KCNT2: variants seen among roughly 807,000 people sequenced by gnomAD.
KCNT2 encodes the protein potassium sodium-activated channel subfamily T member 2.
A neutral mutation model predicts 153.8 loss-of-function variants in KCNT2; 67 were observed. That is an observed-to-expected ratio of 0.44 (90% confidence interval 0.36 to 0.53). KCNT2 has a LOEUF of 0.53. KCNT2 is among the 20% of genes least tolerant of loss of function. The pLI, the probability that KCNT2 is intolerant of heterozygous loss-of-function variation, is 0.00. For synonymous variants in KCNT2, 500 were observed against 458.8 expected (o/e 1.09, Z -1.15); for missense variants, 975 against 1,354.8 (o/e 0.72, Z 4.40).
At chr1:196,377,445 T>C (rs796350989) in intron 13 of KCNT2, among the ~76,000 whole-genome samples, 2 of 152,032 alleles carry the variant, frequency 1.3e-5, no homozygotes, top group East Asian at 3.9e-4. Context: ...TAGAAATGCA[T>C]ACTGTAGAAA....
chr1:196,276,869 C>T (rs986161577), intron 25 of KCNT2, among the ~76,000 whole-genome samples: 4 of 152,006 alleles, frequency 2.6e-5, no homozygotes, highest in Admixed American at 6.6e-5. Flanking sequence ...ACCTATCGCA[C>T]GTCTCCTGCT....
In KCNT2 at chr1:196,339,533, A is replaced by AGG; in HGVS notation, c.1783+807_1783+808insCC. The stretch of plus-strand genomic sequence containing the variant: ...CACACACACACACAGAGAGAGAGAG[A>AGG]GAGAGAGAGAGAGAGAGAGACAGAG... On this transcript the variant is annotated intron_variant, in intron 16 of 27. Coordinates refer to ENST00000294725, the MANE Select transcript of KCNT2 (RefSeq NM_198503.5). Among the ~76,000 whole-genome samples, 5 of 151,742 alleles carry AGG rather than the reference A, an allele frequency of 3.3e-5. 1 individual carries two copies. The highest frequency in any genetic ancestry group is 1.2e-4 in the African/African-American group (5 of 41,328).
intron 1 of KCNT2, among the ~76,000 whole-genome samples, chr1:196,507,075 G>T (rs903208401): frequency 3.9e-5 from 6 of 152,112 alleles, no homozygotes; most frequent in Admixed American, 1.3e-4. Flanking sequence ...TAGAAAATGT[G>T]AAATCTAAAT....
At chr1:196,604,211 T>C (rs1404205473) in intron 1 of KCNT2, among the ~76,000 whole-genome samples, 1 of 152,214 alleles carries the variant, frequency 6.6e-6, no homozygotes, top group African/African-American at 2.4e-5. Flanking sequence ...ATGGAAATTC[T>C]ATAAGGACAT....
chr1:196,365,409 C>A (rs1028542410), intron 14 of KCNT2, among the ~76,000 whole-genome samples: 1 of 152,046 alleles, frequency 6.6e-6, no homozygotes, highest in African/African-American at 2.4e-5. Flanking sequence ...CTATAAAAAT[C>A]TTCTATGACT....
chr1:196,581,486 G>A (rs946822775), intron 1 of KCNT2, among the ~76,000 whole-genome samples: 2 of 151,806 alleles, frequency 1.3e-5, no homozygotes, highest in Admixed American at 6.6e-5. Context: ...GAATGCCACC[G>A]GGTGAATATT....
chr1:196,399,149 TA>T (rs948457019), intron 12 of KCNT2, among the ~76,000 whole-genome samples: 2 of 150,846 alleles, frequency 1.3e-5, no homozygotes, highest in Admixed American at 6.6e-5. Flanking sequence ...TTTGAAGACA[TA>T]AAAAACTCTT....
At chr1:196,458,759 A>G (rs1676898937) in intron 8 of KCNT2, among the ~76,000 whole-genome samples, 1 of 151,932 alleles carries the variant, frequency 6.6e-6, no homozygotes, top group African/African-American at 2.4e-5. Flanking sequence ...GTAAATGTCA[A>G]TTTGTACAAC....
intron 22 of KCNT2, among the ~76,000 whole-genome samples, chr1:196,295,496 A>C (rs919494930): frequency 1.3e-5 from 2 of 151,920 alleles, no homozygotes; most frequent in Non-Finnish European, 2.9e-5. Context: ...AAACATTGTA[A>C]AATGCAAGGA....
chr1:196,327,318 A>G (rs1663963542), intron 18 of KCNT2, among the ~76,000 whole-genome samples: 1 of 152,024 alleles, frequency 6.6e-6, no homozygotes, highest in South Asian at 2.1e-4. Context: ...ACAGTGAAAA[A>G]AAAAACCAAA....
chr1:196,481,656 A>T (rs1254971608), intron 4 of KCNT2, among the ~76,000 whole-genome samples: 2 of 152,180 alleles, frequency 1.3e-5, no homozygotes, highest in Non-Finnish European at 2.9e-5. Context: ...AGTAAACAGA[A>T]GTAGAGGCGA....
chr1:196,285,641 A>C lies in KCNT2; in HGVS notation c.2697+16T>G. The C allele has an allele frequency of 6.7e-7, 1 of 1,487,280 alleles. No individual in the cohort carries two copies. The highest frequency in any genetic ancestry group is 9.3e-7 in the Non-Finnish European group (1 of 1,075,536). The allele number at this position is 1,487,280 out of a possible 1,614,324, so 92.1% of individuals were successfully genotyped here. A position where few individuals can be genotyped will look rare whatever the true frequency, so the allele number is the denominator to read the frequency against. On this transcript the variant is annotated intron_variant, in intron 23 of 27. Coordinates refer to ENST00000294725, the MANE Select transcript of KCNT2 (RefSeq NM_198503.5). ...AAACAACCATTTTAGAGAAAATAAA[A>C]AGAAATATTGTATACCTGATACAGC...
intron 27 of KCNT2, among the ~76,000 whole-genome samples, chr1:196,229,981 A>G (rs1653808217): frequency 6.6e-6 from 1 of 152,082 alleles, no homozygotes; most frequent in South Asian, 2.1e-4. Flanking sequence ...GATGAAGTAG[A>G]TAGTGCTAAT....
At chr1:196,380,009 T>G (rs1434385941) in intron 13 of KCNT2, among the ~76,000 whole-genome samples, 15 of 152,190 alleles carry the variant, frequency 9.9e-5, no homozygotes, top group Admixed American at 9.8e-4. Context: ...ATGCCAACAG[T>G]ATACTTTTAA....
chr1:196,284,248 AATATATAT>A (rs1553271463), intron 23 of KCNT2, among the ~76,000 whole-genome samples: 2 of 10,046 alleles, frequency 2.0e-4, no homozygotes, highest in African/African-American at 1.4e-4. Flanking sequence ...AAAAAAAAAA[AATATATAT>A]ATATATATAT....
chr1:196,515,146 T>C (rs1278849385), intron 1 of KCNT2, among the ~76,000 whole-genome samples: 2 of 152,212 alleles, frequency 1.3e-5, no homozygotes, highest in Admixed American at 1.3e-4. Context: ...GAGGATTCTG[T>C]TGTAAGCGAT....
intron 1 of KCNT2, among the ~76,000 whole-genome samples, chr1:196,544,301 T>C (rs918585592): frequency 6.6e-6 from 1 of 151,868 alleles, no homozygotes; most frequent in Non-Finnish European, 1.5e-5. Flanking sequence ...AAAAGAAATA[T>C]ATATATTTAA....
chr1:196,435,108 T>A (rs1329134746), intron 8 of KCNT2, among the ~76,000 whole-genome samples: 1 of 141,626 alleles, frequency 7.1e-6, no homozygotes, highest in African/African-American at 2.6e-5. Flanking sequence ...TTTTGCTATT[T>A]AGCAATAGAT....
chr1:196,259,717 A>G (rs1219213286), intron 25 of KCNT2: 1 of 152,022 alleles, frequency 6.6e-6, no homozygotes, highest in African/African-American at 2.4e-5. Context: ...ACTTAATTTC[A>G]TCCAAAAATT....
Sources: allele counts gnomAD v4.1 joint callset (sites outside exome capture counted in the v4.1 genomes callset), GRCh38; gene constraint gnomAD v4.1.1; transcripts MANE v1.5; gene names NCBI Gene and HGNC (gene_info 2026-07-23, HGNC 2026-07-21).